Variants in TMEM65 observed in about 807,000 individuals in gnomAD.
The protein encoded by TMEM65 is transmembrane protein 65.
Under a neutral mutation model 25.4 loss-of-function variants are expected in TMEM65, and 22 were observed. The ratio of observed to expected loss-of-function variants is 0.86; its 90% CI spans 0.62 to 1.23. The LOEUF is 1.23. TMEM65 is among the 50% of genes most tolerant of loss of function. The pLI, the probability that TMEM65 is intolerant of heterozygous loss-of-function variation, is 0.00. For missense variants in TMEM65, 262 were observed against 308.2 expected, an observed-to-expected ratio of 0.85 and a Z score of 1.12; for synonymous variants, 132 against 126.2, an observed-to-expected ratio of 1.05 and a Z score of -0.31.
chr8:124,362,048 G>A (rs117480865), intron 1 of TMEM65, among the ~76,000 whole-genome samples: 7,133 of 151,252 alleles, frequency 0.047, 201 homozygotes, highest in Non-Finnish European at 0.062. Context: ...CCGTCACCAC[G>A]CTCAGCTAAT....
intron 5 of TMEM65, among the ~76,000 whole-genome samples, chr8:124,321,392 C>A (rs1370239110): frequency 6.6e-6 from 1 of 152,048 alleles, no homozygotes; most frequent in Non-Finnish European, 1.5e-5. Flanking sequence ...ATAATAATGT[C>A]CACTTAGTCT....
intron 1 of TMEM65, among the ~76,000 whole-genome samples, chr8:124,353,126 C>CAA (rs199711984): frequency 6.8e-6 from 1 of 146,118 alleles, no homozygotes; most frequent in Non-Finnish European, 1.5e-5. Flanking sequence ...GACTCTGTCT[C>CAA]AAAAAAAAAC....
At chr8:124,360,894 T>C (rs1027824394) in intron 1 of TMEM65, among the ~76,000 whole-genome samples, 13 of 152,214 alleles carry the variant, frequency 8.5e-5, no homozygotes, top group African/African-American at 3.1e-4. Context: ...GTGTTAATAT[T>C]TGATAAATAA....
At chr8:124,315,748 C>T (rs1814229366) in intron 6 of TMEM65, among the ~76,000 whole-genome samples, 1 of 152,128 alleles carries the variant, frequency 6.6e-6, no homozygotes, top group Non-Finnish European at 1.5e-5. Flanking sequence ...AGTATGACCA[C>T]TGCTTGATAT....
chr8:124,370,628 T>G (rs1435957160), intron 1 of TMEM65, among the ~76,000 whole-genome samples: 4 of 152,230 alleles, frequency 2.6e-5, no homozygotes. Flanking sequence ...CACAATTTCC[T>G]GAACTGAGGG....
intron 1 of TMEM65, among the ~76,000 whole-genome samples, chr8:124,347,218 C>T (rs1814649674): frequency 1.3e-5 from 2 of 152,082 alleles, no homozygotes; most frequent in African/African-American, 4.8e-5. Flanking sequence ...TTTAATTAAC[C>T]TGTCTTTTTA....
chr8:124,350,331 T>C (rs533222607), intron 1 of TMEM65, among the ~76,000 whole-genome samples: 7 of 152,252 alleles, frequency 4.6e-5, no homozygotes, highest in Admixed American at 1.3e-4. Context: ...TTATACTTCT[T>C]AGGCAAAGTA....
intron 2 of TMEM65, 25 bp downstream of exon 2, chr8:124,330,723 T>C (rs1421837860): frequency 1.3e-6 from 2 of 1,589,320 alleles, no homozygotes; most frequent in Non-Finnish European, 1.7e-6. Context: ...GATGAACATA[T>C]ATTTAACAAT....
At chr8:124,347,770 C>T (rs1814655830) in intron 1 of TMEM65, among the ~76,000 whole-genome samples, 1 of 152,042 alleles carries the variant, frequency 6.6e-6, no homozygotes, top group Non-Finnish European at 1.5e-5. Flanking sequence ...GAAGCAATCA[C>T]AAAGTAAACT....
At chr8:124,352,771 T>A (rs764961345) in intron 1 of TMEM65, among the ~76,000 whole-genome samples, 2 of 151,904 alleles carry the variant, frequency 1.3e-5, no homozygotes, top group Non-Finnish European at 2.9e-5. Flanking sequence ...TAGAACAGCG[T>A]TTTAGAGCTC....
intron 6 of TMEM65, among the ~76,000 whole-genome samples, chr8:124,316,106 T>C (rs1252658006): frequency 3.3e-5 from 5 of 152,196 alleles, no homozygotes; most frequent in Non-Finnish European, 7.3e-5. Flanking sequence ...TCAAGAGATA[T>C]AATGTCAATA....
rs35830531 is a variant in TMEM65 at position 124,357,829 on chromosome 8, CT to C, written c.304+14024del. On this transcript the variant is annotated intron_variant, in intron 1 of 6. Coordinates refer to ENST00000297632, the MANE Select transcript of TMEM65 (RefSeq NM_194291.3). ...TTTATATATATTTTTACTTTTTTAT[CT>C]TTTTTTTTTTTTTTTTTGAGATGGA... 9.4e-3 allele frequency among the ~76,000 whole-genome samples: 998 copies of C among 105,774 alleles called. 6 individuals carry two copies. The highest frequency in any genetic ancestry group is 0.033 in the African/African-American group (894 of 26,978). The allele number at this position is 105,774 out of a possible 152,430, so 69.4% of individuals were successfully genotyped here. A position where few individuals can be genotyped will look rare whatever the true frequency, so the allele number is the denominator to read the frequency against.
chr8:124,340,551 A>T (rs1042014027), intron 1 of TMEM65, among the ~76,000 whole-genome samples: 1 of 152,164 alleles, frequency 6.6e-6, no homozygotes, highest in African/African-American at 2.4e-5. Flanking sequence ...ACACAGATAC[A>T]TGACTTTTCC....
intron 1 of TMEM65, among the ~76,000 whole-genome samples, chr8:124,366,700 T>C (rs915597091): frequency 6.8e-6 from 1 of 146,378 alleles, no homozygotes; most frequent in Non-Finnish European, 1.5e-5. Context: ...ACAGCATATA[T>C]GCCTTTCATA....
chr8:124,371,952 G>T lies in TMEM65; in HGVS notation c.206C>A (p.Ala69Glu). The change falls in exon 1 of 7, where the codon GCG becomes GAG. Residue 69 changes from alanine to glutamate, a missense_variant. By Grantham distance (107) the Ala-to-Glu change is moderately radical. Coordinates refer to ENST00000297632, the MANE Select transcript of TMEM65 (RefSeq NM_194291.3). ...KKEPMEALNT[A>E]QGARDFIYSL... is the part of the protein sequence containing the mutation. ...GTAGATGAAGTCGCGCGCGCCCTGC[G>T]CCGTGTTCAGCGCCTCCATGGGCTC... 6.6e-7 allele frequency: 1 copy of T among 1,508,986 alleles called. No homozygotes were observed. The highest frequency in any genetic ancestry group is 2.1e-5 in the Admixed American group (1 of 46,924). The allele number at this position is 1,508,986 out of a possible 1,614,324, so 93.5% of individuals were successfully genotyped here. A position where few individuals can be genotyped will look rare whatever the true frequency, so the allele number is the denominator to read the frequency against.
intron 1 of TMEM65, among the ~76,000 whole-genome samples, chr8:124,364,003 T>C (rs1444822658): frequency 2.0e-5 from 3 of 152,088 alleles, no homozygotes; most frequent in South Asian, 2.1e-4. Flanking sequence ...TGCAGTAGAA[T>C]CTACTATAAA....
At chr8:124,330,864 A>G in intron 1 of TMEM65, 72 bp from the exon 2 acceptor site, 2 of 1,357,196 alleles carry the variant, frequency 1.5e-6, no homozygotes, top group Non-Finnish European at 2.0e-6. Flanking sequence ...ACAATGAAGA[A>G]AATACCAGAA....
Position 124,327,975 on chromosome 8 carries a change from C to A in TMEM65, c.350-554G>T, listed in dbSNP as rs569062224. On this transcript the variant is annotated intron_variant, in intron 2 of 6. Transcript: ENST00000297632. ...CCTCATCTATGTGCAGTCTTTTTCC[C>A]CCCTCAAAATTCATCAATATTCCCA... Among the ~76,000 whole-genome samples the A allele has an allele frequency of 7.5e-4, 114 of 151,506 alleles. 1 individual carries two copies. Among genetic ancestry groups the A allele is most frequent in the Non-Finnish European group, 1.1e-3 (73 of 67,878 alleles).
rs952781002 is a variant in TMEM65, at chr8:124,307,317, T to C, written c.*6643A>G. The C allele has an allele frequency of 2.0e-5, 3 of 152,308 alleles. No individual in the cohort carries two copies. Among genetic ancestry groups the C allele is most frequent in the South Asian group, 4.1e-4 (2 of 4,826 alleles). The allele number at this position is 152,308 out of a possible 1,614,324, so 9.4% of individuals were successfully genotyped here. On this transcript the variant is annotated 3_prime_UTR_variant, in exon 7 of 7. Transcript: ENST00000297632. ...CCAAGGGACCCATATGAAGTCCCGC[T>C]AGTGACGCTGGAAGTGCTCCCAAGG...
Sources: allele counts gnomAD v4.1 joint callset (sites outside exome capture counted in the v4.1 genomes callset), GRCh38; gene constraint gnomAD v4.1.1; transcripts MANE v1.5; gene names NCBI Gene and HGNC (gene_info 2026-07-23, HGNC 2026-07-21).